Variants in COL8A1 observed in about 807,000 individuals in gnomAD.
The protein encoded by COL8A1 is collagen type VIII alpha 1 chain.
Under a neutral mutation model 42.7 loss-of-function variants are expected in COL8A1, and 21 were observed. That is an observed-to-expected ratio of 0.49 (90% confidence interval 0.35 to 0.71). The LOEUF is 0.71. Ranked by LOEUF, COL8A1 falls within the 30% of genes least tolerant of loss-of-function variation. COL8A1 has a pLI of 0.01. For synonymous variants in COL8A1, 367 were observed against 369.1 expected (o/e 0.99, Z 0.06); for missense variants, 788 against 962.4 (o/e 0.82, Z 2.40).
chr3:99,661,151 A>G (rs1483922874), intron 1 of COL8A1, among the ~76,000 whole-genome samples: 8 of 152,218 alleles, frequency 5.3e-5, no homozygotes, highest in Non-Finnish European at 1.2e-4. Flanking sequence ...GATACAATCC[A>G]CAGAATAACA....
intron 1 of COL8A1, among the ~76,000 whole-genome samples, chr3:99,699,143 C>T (rs1235314826): frequency 1.3e-5 from 2 of 152,164 alleles, no homozygotes; most frequent in African/African-American, 4.8e-5. Flanking sequence ...ATTCCATTCT[C>T]TCCATCACAT....
chr3:99,796,164 G>A lies in COL8A1; in HGVS notation c.*28G>A. On this transcript the variant is annotated 3_prime_UTR_variant, in exon 4 of 4. Transcript: ENST00000652472. ...ACAAAAAAACAAAAAACAAAGAAAA[G>A]AAAGAGATTTTATAGAAGAAAATGA... The A allele has an allele frequency of 7.0e-7, 1 of 1,431,494 alleles. No individual in the cohort carries two copies. The highest frequency in any genetic ancestry group is 1.7e-5 in the South Asian group (1 of 58,074). 88.7% of individuals were successfully genotyped at this position (1,431,494 alleles called of 1,614,324 possible). A position where few individuals can be genotyped will look rare whatever the true frequency, so the allele number is the denominator to read the frequency against.
intron 1 of COL8A1, among the ~76,000 whole-genome samples, chr3:99,647,787 G>T (rs1338029371): frequency 6.6e-6 from 1 of 152,176 alleles, no homozygotes; most frequent in East Asian, 1.9e-4. Flanking sequence ...GCTAATTTCT[G>T]TAGGAGGAAC....
At chr3:99,787,874 ACC>A (rs1553682951) in intron 2 of COL8A1, among the ~76,000 whole-genome samples, 1,752 of 92,616 alleles carry the variant, frequency 0.019, 14 homozygotes, top group African/African-American at 0.038. Flanking sequence ...ACACACACAC[ACC>A]CACACCCACA....
chr3:99,786,832 T>G (rs1397670591), intron 2 of COL8A1, among the ~76,000 whole-genome samples: 1 of 152,072 alleles, frequency 6.6e-6, no homozygotes, highest in Non-Finnish European at 1.5e-5. Flanking sequence ...CAAGAGAGAA[T>G]TTTCTTTGAG....
At chr3:99,665,414 C>T (rs1178110066) in intron 1 of COL8A1, among the ~76,000 whole-genome samples, 1 of 152,184 alleles carries the variant, frequency 6.6e-6, no homozygotes, top group East Asian at 1.9e-4. Context: ...TGCCATAGGG[C>T]TGGTTCTTCT....
intron 1 of COL8A1, among the ~76,000 whole-genome samples, chr3:99,735,886 G>T (rs1940695884): frequency 6.6e-6 from 1 of 152,080 alleles, no homozygotes; most frequent in Non-Finnish European, 1.5e-5. Flanking sequence ...TTGGGAGGGT[G>T]TATGTGTCAA....
intron 1 of COL8A1, among the ~76,000 whole-genome samples, chr3:99,730,258 T>C (rs891233212): frequency 8.5e-5 from 13 of 152,146 alleles, no homozygotes; most frequent in Admixed American, 6.6e-4. Flanking sequence ...TTAACAAATA[T>C]GTGTTTCCTC....
At chr3:99,764,427 T>A (rs704573) in intron 2 of COL8A1, among the ~76,000 whole-genome samples, 109,496 of 152,086 alleles carry the variant, frequency 0.72, 39,767 homozygotes, top group African/African-American at 0.83. Context: ...AAAAGTATTT[T>A]TGTGCCCCTG....
intron 1 of COL8A1, among the ~76,000 whole-genome samples, chr3:99,655,274 C>A (rs1559769179): frequency 6.6e-6 from 1 of 152,188 alleles, no homozygotes; most frequent in Non-Finnish European, 1.5e-5. Context: ...CCCATCCCAC[C>A]CACTAGGTGC....
At chr3:99,761,430 G>C (rs1041603515) in intron 2 of COL8A1, among the ~76,000 whole-genome samples, 1 of 152,122 alleles carries the variant, frequency 6.6e-6, no homozygotes, top group Non-Finnish European at 1.5e-5. Flanking sequence ...CCTCAAAGCA[G>C]TCCCCAGCTG....
chr3:99,709,727 C>T (rs902666519), intron 1 of COL8A1, among the ~76,000 whole-genome samples: 4 of 152,132 alleles, frequency 2.6e-5, no homozygotes, highest in Non-Finnish European at 5.9e-5. Context: ...GTGATCACAT[C>T]AATGTTGTGA....
chr3:99,770,290 G>A (rs111297598), intron 2 of COL8A1, among the ~76,000 whole-genome samples: 7 of 152,164 alleles, frequency 4.6e-5, no homozygotes, highest in African/African-American at 1.4e-4. Context: ...AGAAAGGCAG[G>A]AGAAGGTCAA....
intron 2 of COL8A1, among the ~76,000 whole-genome samples, chr3:99,773,056 T>C (rs1475287539): frequency 1.3e-5 from 2 of 152,264 alleles, no homozygotes; most frequent in East Asian, 3.9e-4. Flanking sequence ...TCAAAATGAT[T>C]ATAATAATAG....
chr3:99,788,152 T>C (rs1043534364), intron 2 of COL8A1, among the ~76,000 whole-genome samples: 1 of 152,136 alleles, frequency 6.6e-6, no homozygotes, highest in Non-Finnish European at 1.5e-5. Flanking sequence ...GAAAAATTAG[T>C]AGGAATAAGT....
intron 2 of COL8A1, among the ~76,000 whole-genome samples, chr3:99,778,864 C>G (rs750413462): frequency 1.3e-5 from 2 of 152,110 alleles, no homozygotes; most frequent in Admixed American, 6.5e-5. Context: ...ATTTGACAAG[C>G]ATTTCTCAAG....
At chr3:99,659,016 G>A (rs991833048) in intron 1 of COL8A1, among the ~76,000 whole-genome samples, 4 of 152,168 alleles carry the variant, frequency 2.6e-5, no homozygotes, top group African/African-American at 9.6e-5. Context: ...AGCATTCTAG[G>A]TGATTCTTAC....
intron 1 of COL8A1, among the ~76,000 whole-genome samples, chr3:99,677,370 A>G (rs925684083): frequency 3.9e-5 from 6 of 152,152 alleles, no homozygotes; most frequent in African/African-American, 1.4e-4. Flanking sequence ...AATGCAAAAT[A>G]TCACAGCTAT....
intron 1 of COL8A1, among the ~76,000 whole-genome samples, chr3:99,652,625 G>A (rs557703722): frequency 1.7e-4 from 26 of 152,102 alleles, no homozygotes; most frequent in East Asian, 1.9e-4. Flanking sequence ...AAAAGAAAGC[G>A]GACTGACCTG....
Sources: gnomAD v4.1 joint callset for allele counts (sites outside exome capture counted in the v4.1 genomes callset) on GRCh38, gnomAD v4.1.1 for gene constraint, MANE v1.5 for transcripts, NCBI Gene and HGNC (gene_info 2026-07-23, HGNC 2026-07-21) for gene names.